The following DOCK8 variants were observed in gnomAD, a reference collection of about 807,000 sequenced individuals.
The protein encoded by DOCK8 is dedicator of cytokinesis protein 8.
A neutral mutation model predicts 245.6 loss-of-function variants in DOCK8; 141 were observed. That is an observed-to-expected ratio of 0.57 (90% CI 0.50 to 0.66). The LOEUF is 0.66. Ranked by LOEUF, DOCK8 falls within the 30% of genes least tolerant of loss-of-function variation. DOCK8 has a pLI of 0.00. For synonymous variants in DOCK8, 1,168 were observed against 970.2 expected (o/e 1.20, Z -3.79); for missense variants, 2,965 against 2,603.4 (o/e 1.14, Z -3.02).
intron 43 of DOCK8, 57 bp downstream of exon 43, chr9:443,573 C>T: frequency 3.0e-6 from 4 of 1,330,038 alleles, no homozygotes; most frequent in Non-Finnish European, 4.3e-6. Flanking sequence ...CGTTCTCTAC[C>T]CAAGAATACC....
chr9:411,577 G>A (rs773405008), intron 28 of DOCK8, among the ~76,000 whole-genome samples: 6 of 152,046 alleles, frequency 3.9e-5, no homozygotes, highest in Non-Finnish European at 8.8e-5. Context: ...TGGAAGAGGT[G>A]GAATACTTCC....
rs1586650831 is a variant in DOCK8 at position 304,680 on chromosome 9, G to A, written c.504G>A (p.Leu168=). The change falls in exon 5 of 48, where the codon TTG becomes TTA. Residue 168 remains leucine (L), a synonymous_variant. Coordinates refer to ENST00000432829, the MANE Select transcript of DOCK8 (RefSeq NM_203447.4). The part of the protein sequence containing the change: ...LPKQTFESET[L]ECSEPAAQAG... Reference sequence around the variant, plus strand: ...AACAGACGTTTGAGTCGGAAACCTTGGAGTGCAGTGAACCCGCTGCTCAGG... The same window carrying A: ...AACAGACGTTTGAGTCGGAAACCTTAGAGTGCAGTGAACCCGCTGCTCAGG... The A allele has an allele frequency of 3.1e-6, 5 of 1,614,046 alleles. No homozygotes were observed. The highest frequency in any genetic ancestry group is 1.7e-5 in the Admixed American group (1 of 60,006).
At chr9:254,980 A>G (rs2047733201) in intron 1 of DOCK8, among the ~76,000 whole-genome samples, 1 of 152,172 alleles carries the variant, frequency 6.6e-6, no homozygotes, top group South Asian at 2.1e-4. Flanking sequence ...TTATTTTTGT[A>G]TGCTAAAGTT....
chr9:390,391 G>A, intron 23 of DOCK8, 80 bp from the exon 24 acceptor site: 1 of 1,283,602 alleles, frequency 7.8e-7, no homozygotes, highest in Non-Finnish European at 1.1e-6. Flanking sequence ...AAATTGGGGG[G>A]AATAAAAGAA....
intron 22 of DOCK8, among the ~76,000 whole-genome samples, chr9:385,332 C>T (rs1311689218): frequency 2.0e-5 from 3 of 150,926 alleles, no homozygotes; most frequent in African/African-American, 7.3e-5. Flanking sequence ...GACAAATGTA[C>T]CTTACTATAA....
rs1442946268 is a variant in DOCK8, at chr9:214,972, G to A, written c.-5G>A. On this transcript the variant is annotated 5_prime_UTR_variant, in exon 1 of 48. Coordinates refer to ENST00000432829, the MANE Select transcript of DOCK8 (RefSeq NM_203447.4). ...CCCTAGAAGCCACCGAACCGCCGGCGGGCCATGGCCACTCTGCCGAGCGCA... is the reference window on the plus strand; with the variant it reads ...CCCTAGAAGCCACCGAACCGCCGGCAGGCCATGGCCACTCTGCCGAGCGCA... The A allele has an allele frequency of 4.4e-6, 7 of 1,601,558 alleles. No individual in the cohort carries two copies. Among genetic ancestry groups the A allele is most frequent in the Admixed American group, 1.7e-5 (1 of 59,276 alleles).
intron 4 of DOCK8, among the ~76,000 whole-genome samples, chr9:290,717 A>G (rs980145447): frequency 6.6e-6 from 1 of 152,202 alleles, no homozygotes; most frequent in Admixed American, 6.5e-5. Flanking sequence ...GGCACACCCC[A>G]CTAGAGACAC....
In DOCK8 at chr9:428,403, T is replaced by A. The variant is rs781716351; in HGVS notation, c.4380T>A (p.Gly1460=). 3.7e-6 allele frequency: 6 copies of A among 1,614,058 alleles called. No individual in the cohort carries two copies. The highest frequency in any genetic ancestry group is 3.3e-4 in the Middle Eastern group (2 of 6,058). The change falls in exon 35 of 48, where the codon GGT becomes GGA. Residue 1460 remains glycine, a synonymous_variant. Coordinates refer to ENST00000432829, the MANE Select transcript of DOCK8 (RefSeq NM_203447.4). ...ACTGTAAAGACAGCCTGCTGGGAGG[T>A]GTTCTGAGGGTGCTGGTGAATTCTC... ...ALDCKDSLLG[G]VLRVLVNSLN...
intron 1 of DOCK8, among the ~76,000 whole-genome samples, chr9:257,033 C>T (rs2047794217): frequency 6.6e-6 from 1 of 152,218 alleles, no homozygotes; most frequent in South Asian, 2.1e-4. Context: ...CCTCCCACAT[C>T]AGAGCTTTTT....
intron 14 of DOCK8, among the ~76,000 whole-genome samples, chr9:344,620 C>G (rs1586754351): frequency 1.3e-5 from 2 of 152,278 alleles, no homozygotes. Flanking sequence ...CTCCCCATAT[C>G]TCAAAAAACC....
chr9:382,676 G>T lies in DOCK8; in HGVS notation c.2769G>T (p.Met923Ile). Reference sequence around the variant, plus strand: ...CAGACGAGGAAGTGAAGAACATCATGTCTTCAAAGGTAGGAAAGATGTCAA... The same window carrying T: ...CAGACGAGGAAGTGAAGAACATCATTTCTTCAAAGGTAGGAAAGATGTCAA... ...SAADEEVKNIMSSKIADRNCS... is the reference protein window; with the variant it reads ...SAADEEVKNIISSKIADRNCS... The change falls in exon 22 of 48, where the codon ATG becomes ATT. Residue 923 changes from methionine to isoleucine, a missense_variant. Met to Ile is a conservative substitution (Grantham distance 10). This residue lies in a region of DOCK8 where 2,825 missense variants were observed against 2,453.5 expected (regional missense o/e 1.15). Transcript: ENST00000432829. 6.2e-7 allele frequency: 1 copy of T among 1,614,178 alleles called. No homozygotes were observed. The highest frequency in any genetic ancestry group is 1.3e-5 in the African/African-American group (1 of 75,060).
At chr9:339,173 GC>G in intron 13 of DOCK8, 74 bp downstream of exon 13, 1 of 1,255,644 alleles carries the variant, frequency 8.0e-7, no homozygotes, top group Non-Finnish European at 1.2e-6. Flanking sequence ...TTTGTCTAAT[GC>G]CAGAATTTAT....
At chr9:286,676 C>A in intron 3 of DOCK8, 40 bp downstream of exon 3, 2 of 1,601,852 alleles carry the variant, frequency 1.2e-6, no homozygotes, top group South Asian at 1.1e-5. Context: ...TTGGGATTGT[C>A]ATGATTGTTT....
chr9:259,540 C>T (rs1427357735), intron 1 of DOCK8, among the ~76,000 whole-genome samples: 1 of 152,148 alleles, frequency 6.6e-6, no homozygotes, highest in Admixed American at 6.5e-5. Flanking sequence ...CTGAGTTTTG[C>T]ATTTGTTAAA....
intron 39 of DOCK8, 69 bp downstream of exon 39, chr9:435,044 A>C: frequency 1.3e-6 from 2 of 1,574,268 alleles, no homozygotes; most frequent in Non-Finnish European, 1.7e-6. Context: ...CCCCAGCCCC[A>C]GGGACATTTG....
chr9:377,740 A>T (rs67323739), intron 20 of DOCK8, among the ~76,000 whole-genome samples: 1 of 152,148 alleles, frequency 6.6e-6, no homozygotes, highest in Non-Finnish European at 1.5e-5. Flanking sequence ...ATCACCTCCA[A>T]ATAAAACCCC....
chr9:329,164 C>G (rs2050896167), intron 9 of DOCK8, among the ~76,000 whole-genome samples: 2 of 152,032 alleles, frequency 1.3e-5, no homozygotes, highest in South Asian at 4.1e-4. Flanking sequence ...GTTGGCCAGG[C>G]TGATCTCAAA....
chr9:251,659 C>T (rs2047649022), intron 1 of DOCK8, among the ~76,000 whole-genome samples: 1 of 152,118 alleles, frequency 6.6e-6, no homozygotes, highest in African/African-American at 2.4e-5. Flanking sequence ...AAGCCTTGTA[C>T]AAGTCTCTTA....
At chr9:259,529 C>G (rs1053352099) in intron 1 of DOCK8, among the ~76,000 whole-genome samples, 4 of 152,102 alleles carry the variant, frequency 2.6e-5, no homozygotes, top group African/African-American at 9.7e-5. Context: ...CATTTCCAGC[C>G]CTGAGTTTTG....
Sources: gnomAD v4.1 joint callset for allele counts (sites outside exome capture counted in the v4.1 genomes callset) on GRCh38, gnomAD v4.1.1 for gene constraint, gnomAD v4.1.1 regional missense constraint, MANE v1.5 for transcripts, NCBI Gene and HGNC (gene_info 2026-07-23, HGNC 2026-07-21) for gene names.